Variants in R3HCC1L observed in about 807,000 individuals in gnomAD.
The protein encoded by R3HCC1L is R3H domain and coiled-coil containing 1 like.
In R3HCC1L, 51 loss-of-function variants were observed where a neutral mutation model predicts 59.9. The observed-to-expected ratio is 0.85, with a 90% CI of 0.68 to 1.07. R3HCC1L has a LOEUF of 1.07. Among genes scored for constraint, R3HCC1L ranks in the 50% least tolerant of loss-of-function variants. The probability of loss-of-function intolerance (pLI) is 0.00; values close to 1 mark genes in which losing one functional copy is unlikely to be tolerated. For synonymous variants in R3HCC1L, 322 were observed against 315.2 expected (o/e 1.02, Z -0.23); for missense variants, 965 against 933.0 (o/e 1.03, Z -0.45).
intron 5 of R3HCC1L, among the ~76,000 whole-genome samples, chr10:98,225,134 A>C (rs185306368): frequency 5.3e-5 from 8 of 152,258 alleles, no homozygotes; most frequent in Middle Eastern, 3.4e-3. Flanking sequence ...ACCTAGCCAC[A>C]TTTTACTTAT....
Position 98,184,619 on chromosome 10 carries a change from C to G in R3HCC1L, c.-15+21222C>G, listed in dbSNP as rs192286178. ...ATTCCTGTCATTACGTGACACATGA[C>G]TGTAGTACATTGCTGTTACATGTTG... is the stretch of plus-strand genomic sequence containing the variant. On this transcript the variant is annotated intron_variant, in intron 4 of 9. Transcript: ENST00000298999. Among the ~76,000 whole-genome samples the G allele has an allele frequency of 4.6e-5, 7 of 152,320 alleles. No homozygotes were observed. The East Asian group carries it at 1.3e-3, about 29-fold the overall frequency.
At chr10:98,181,184 A>G (rs1022876831) in intron 4 of R3HCC1L, among the ~76,000 whole-genome samples, 1 of 151,968 alleles carries the variant, frequency 6.6e-6, no homozygotes, top group Non-Finnish European at 1.5e-5. Flanking sequence ...GTTCCTTTCC[A>G]TGTTTGGTGC....
At chr10:98,238,813 T>C (rs558726221) in intron 9 of R3HCC1L, among the ~76,000 whole-genome samples, 3 of 152,274 alleles carry the variant, frequency 2.0e-5, no homozygotes, top group Non-Finnish European at 4.4e-5. Flanking sequence ...CTTTGTTATC[T>C]GTACCAATGG....
At chr10:98,218,964 T>G (rs545645071) in intron 5 of R3HCC1L, among the ~76,000 whole-genome samples, 1 of 152,238 alleles carries the variant, frequency 6.6e-6, no homozygotes, top group African/African-American at 2.4e-5. Context: ...CAGGCTGGAG[T>G]GTAGTGGCAT....
intron 5 of R3HCC1L, among the ~76,000 whole-genome samples, chr10:98,226,765 C>G (rs1323259545): frequency 6.6e-6 from 1 of 152,228 alleles, no homozygotes; most frequent in Non-Finnish European, 1.5e-5. Flanking sequence ...TGAGTTATTC[C>G]AAACTGTTAA....
intron 1 of R3HCC1L, among the ~76,000 whole-genome samples, chr10:98,146,076 AAATT>A (rs1461299060): frequency 1.2e-4 from 19 of 152,346 alleles, no homozygotes; most frequent in African/African-American, 4.6e-4. Context: ...CAGTTTCTAA[AAATT>A]AATCTGCAGA....
intron 1 of R3HCC1L, among the ~76,000 whole-genome samples, chr10:98,135,778 AC>A (rs1186002797): frequency 6.6e-6 from 1 of 152,154 alleles, no homozygotes; most frequent in Non-Finnish European, 1.5e-5. Context: ...TGCTGTTATA[AC>A]CTTCCTTCAG....
At chr10:98,215,913 T>C (rs1854143905) in intron 5 of R3HCC1L, among the ~76,000 whole-genome samples, 1 of 152,086 alleles carries the variant, frequency 6.6e-6, no homozygotes, top group African/African-American at 2.4e-5. Context: ...TTGGAGTAAA[T>C]TGGGAAAGAA....
intron 4 of R3HCC1L, among the ~76,000 whole-genome samples, chr10:98,204,735 C>T (rs1852443811): frequency 6.6e-6 from 1 of 151,948 alleles, no homozygotes. Context: ...TTATATATAA[C>T]AATATTACGT....
At chr10:98,169,192 T>G (rs1848261106) in intron 4 of R3HCC1L, among the ~76,000 whole-genome samples, 1 of 152,226 alleles carries the variant, frequency 6.6e-6, no homozygotes, top group Non-Finnish European at 1.5e-5. Flanking sequence ...TCTTTTTGGT[T>G]GTTTTGCAGT....
intron 9 of R3HCC1L, among the ~76,000 whole-genome samples, chr10:98,238,557 G>C (rs1378699791): frequency 6.6e-6 from 1 of 151,902 alleles, no homozygotes; most frequent in Non-Finnish European, 1.5e-5. Flanking sequence ...TGATAACTCT[G>C]TGACCAGTGA....
intron 1 of R3HCC1L, among the ~76,000 whole-genome samples, chr10:98,135,908 T>C (rs900961514): frequency 2.6e-5 from 4 of 152,190 alleles, no homozygotes; most frequent in Non-Finnish European, 5.9e-5. Flanking sequence ...AGAATATAAA[T>C]AGCCAAATAT....
chr10:98,203,084 GTATTA>G (rs1480910662), intron 4 of R3HCC1L, among the ~76,000 whole-genome samples: 3 of 152,254 alleles, frequency 2.0e-5, no homozygotes, highest in Middle Eastern at 3.4e-3. Flanking sequence ...TTAAATGAAA[GTATTA>G]TATTAGTGTT....
chr10:98,180,997 T>C (rs1849569343), intron 4 of R3HCC1L, among the ~76,000 whole-genome samples: 1 of 152,234 alleles, frequency 6.6e-6, no homozygotes, highest in African/African-American at 2.4e-5. Flanking sequence ...TCTTGACTCT[T>C]TATCCAATTT....
chr10:98,224,102 G>T (rs1478523697), intron 5 of R3HCC1L, among the ~76,000 whole-genome samples: 5 of 152,034 alleles, frequency 3.3e-5, no homozygotes, highest in South Asian at 2.1e-4. Context: ...AGTGTGCTTG[G>T]GTGCCGCTCA....
At chr10:98,220,774 G>A (rs951511820) in intron 5 of R3HCC1L, among the ~76,000 whole-genome samples, 1 of 151,860 alleles carries the variant, frequency 6.6e-6, no homozygotes, top group Non-Finnish European at 1.5e-5. Flanking sequence ...AATCCAGTCT[G>A]TCATTGTTGG....
At chr10:98,240,747 T>A (rs1857440645) in intron 9 of R3HCC1L, among the ~76,000 whole-genome samples, 1 of 152,206 alleles carries the variant, frequency 6.6e-6, no homozygotes, top group Non-Finnish European at 1.5e-5. Context: ...TCTTAGGGTA[T>A]TTTCTTGGCG....
chr10:98,184,654 T>G (rs1351978962), intron 4 of R3HCC1L, among the ~76,000 whole-genome samples: 1 of 152,242 alleles, frequency 6.6e-6, no homozygotes, highest in Non-Finnish European at 1.5e-5. Context: ...GTTTGAGGCT[T>G]GCTAGCCTGC....
intron 2 of R3HCC1L, among the ~76,000 whole-genome samples, chr10:98,157,704 T>C (rs1403358028): frequency 2.0e-5 from 3 of 152,272 alleles, no homozygotes; most frequent in African/African-American, 7.2e-5. Flanking sequence ...TTCTCTGCTG[T>C]CTATCCTTGT....
Sources: gnomAD v4.1 joint callset for allele counts (sites outside exome capture counted in the v4.1 genomes callset) on GRCh38, gnomAD v4.1.1 for gene constraint, MANE v1.5 for transcripts, NCBI Gene and HGNC (gene_info 2026-07-23, HGNC 2026-07-21) for gene names.